Variants in MACROD2 observed in about 807,000 individuals in gnomAD.
The protein encoded by MACROD2 is mono-ADP ribosylhydrolase 2.
MACROD2 carries 36 observed loss-of-function variants against 70.4 expected under a neutral mutation model. The ratio of observed to expected loss-of-function variants is 0.51; its 90% CI spans 0.39 to 0.68. The LOEUF (loss-of-function observed/expected upper bound fraction) is 0.68, where lower values mean the gene tolerates loss of function less well. MACROD2 is among the 30% of genes least tolerant of loss of function. The pLI is 0.00. For synonymous variants in MACROD2, 172 were observed against 178.8 expected, an observed-to-expected ratio of 0.96 and a Z score of 0.30; for missense variants, 496 against 538.4, an observed-to-expected ratio of 0.92 and a Z score of 0.78.
At chr20:14,027,343 C>T (rs542970537) in intron 2 of MACROD2, among the ~76,000 whole-genome samples, 2 of 150,808 alleles carry the variant, frequency 1.3e-5, no homozygotes, top group African/African-American at 4.8e-5. Context: ...ACTGGTTATT[C>T]TAGTTAGCAA....
intron 8 of MACROD2, among the ~76,000 whole-genome samples, chr20:15,860,201 A>G (rs1463994860): frequency 2.0e-5 from 3 of 152,090 alleles, no homozygotes; most frequent in African/African-American, 7.2e-5. Flanking sequence ...CCCCCCATAC[A>G]CAAACACACA....
At chr20:14,285,925 T>G (rs2082340067) in intron 3 of MACROD2, among the ~76,000 whole-genome samples, 1 of 151,788 alleles carries the variant, frequency 6.6e-6, no homozygotes, top group African/African-American at 2.4e-5. Flanking sequence ...TTTGGGATAG[T>G]GACTTTGTTA....
intron 7 of MACROD2, among the ~76,000 whole-genome samples, chr20:15,464,914 C>A (rs573392834): frequency 4.6e-5 from 7 of 152,272 alleles, no homozygotes; most frequent in African/African-American, 1.7e-4. Context: ...GGTAAATGGG[C>A]ATAAACACTG....
At chr20:15,342,917 C>T (rs1403065535) in intron 6 of MACROD2, among the ~76,000 whole-genome samples, 5 of 152,148 alleles carry the variant, frequency 3.3e-5, no homozygotes, top group African/African-American at 2.4e-5. Context: ...CGATTTCCAC[C>T]GTATCACTTA....
At chr20:15,336,623 A>G (rs951503039) in intron 6 of MACROD2, among the ~76,000 whole-genome samples, 10 of 87,368 alleles carry the variant, frequency 1.1e-4, no homozygotes, top group Admixed American at 9.5e-4. Flanking sequence ...GAATTCAGTT[A>G]CATTTCAAAA....
chr20:15,520,306 G>A (rs2047635222), intron 8 of MACROD2, among the ~76,000 whole-genome samples: 1 of 152,180 alleles, frequency 6.6e-6, no homozygotes, highest in African/African-American at 2.4e-5. Context: ...ATTTTGTGAA[G>A]TGTCTAGATT....
At chr20:15,420,588 C>A (rs1318531243) in intron 6 of MACROD2, among the ~76,000 whole-genome samples, 2 of 130,092 alleles carry the variant, frequency 1.5e-5, no homozygotes, top group Non-Finnish European at 3.4e-5. Context: ...ACTATATTCA[C>A]CCATGCGATG....
chr20:15,117,133 G>A (rs2075997078), intron 5 of MACROD2, among the ~76,000 whole-genome samples: 1 of 152,060 alleles, frequency 6.6e-6, no homozygotes, highest in South Asian at 2.1e-4. Context: ...TGTTAAAGTT[G>A]GGAACAAGTT....
At chr20:14,276,633 T>C (rs1432414879) in intron 3 of MACROD2, among the ~76,000 whole-genome samples, 1 of 151,630 alleles carries the variant, frequency 6.6e-6, no homozygotes, top group Non-Finnish European at 1.5e-5. Context: ...ATAATAATAA[T>C]AAAATAAAAT....
intron 8 of MACROD2, among the ~76,000 whole-genome samples, chr20:15,782,496 C>CT (rs770569051): frequency 1.3e-5 from 2 of 151,888 alleles, no homozygotes; most frequent in Non-Finnish European, 2.9e-5. Flanking sequence ...TCCAAGGCCT[C>CT]TTTTCAGACA....
intron 8 of MACROD2, among the ~76,000 whole-genome samples, chr20:15,507,300 C>T (rs2047437830): frequency 6.6e-6 from 1 of 151,482 alleles, no homozygotes; most frequent in Admixed American, 6.6e-5. Flanking sequence ...CTCCCTCCCT[C>T]TTTCTTCCTT....
chr20:15,108,585 C>T (rs1294701607), intron 5 of MACROD2, among the ~76,000 whole-genome samples: 2 of 152,160 alleles, frequency 1.3e-5, no homozygotes, highest in Admixed American at 6.5e-5. Flanking sequence ...ATTTTTACTG[C>T]CACTAATCTA....
At chr20:14,796,894 C>G (rs950304203) in intron 5 of MACROD2, among the ~76,000 whole-genome samples, 1 of 152,034 alleles carries the variant, frequency 6.6e-6, no homozygotes, top group Admixed American at 6.6e-5. Flanking sequence ...AAATTTGTCT[C>G]AAGTTACATA....
intron 8 of MACROD2, among the ~76,000 whole-genome samples, chr20:15,616,152 G>A (rs1305839891): frequency 7.0e-6 from 1 of 142,010 alleles, no homozygotes; most frequent in Non-Finnish European, 1.5e-5. Flanking sequence ...ACCCGGGCCT[G>A]GAGTGCAGTG....
chr20:15,076,244 T>C (rs2075657368), intron 5 of MACROD2, among the ~76,000 whole-genome samples: 1 of 152,152 alleles, frequency 6.6e-6, no homozygotes, highest in East Asian at 1.9e-4. Flanking sequence ...TGCATATCTT[T>C]CCATTACAGA....
chr20:14,108,999 T>C (rs2054410216), intron 3 of MACROD2, among the ~76,000 whole-genome samples: 1 of 152,034 alleles, frequency 6.6e-6, no homozygotes, highest in African/African-American at 2.4e-5. Flanking sequence ...TTCTTAAGGA[T>C]AGATCATGTG....
At position 15,784,295 on chromosome 20, in the gene MACROD2, A is replaced by G. The variant is rs752513919; in HGVS notation, c.646-78450A>G. 2.4e-4 allele frequency among the ~76,000 whole-genome samples: 36 copies of G among 152,128 alleles called. 1 individual carries two copies. Among genetic ancestry groups the G allele is most frequent in the Non-Finnish European group, 1.8e-4 (12 of 67,998 alleles). On this transcript the variant is annotated intron_variant, in intron 8 of 17. Coordinates refer to ENST00000684519, the MANE Select transcript of MACROD2 (RefSeq NM_001351661.2). ...CAAGTGCCTGGTAGCTCATGCTACC[A>G]GGATCAAGAAAAATTAGCTCTGAGG...
intron 5 of MACROD2, among the ~76,000 whole-genome samples, chr20:14,953,450 G>T (rs143812549): frequency 0.012 from 1,812 of 152,122 alleles, 40 homozygotes; most frequent in African/African-American, 0.041. Context: ...GGGACTACAG[G>T]CGCCTGCCAC....
chr20:14,457,380 T>A (rs1240242162), intron 3 of MACROD2, among the ~76,000 whole-genome samples: 2 of 152,154 alleles, frequency 1.3e-5, no homozygotes, highest in African/African-American at 4.8e-5. Context: ...AGTTTACTAA[T>A]GTTTACCATC....
Sources: allele counts gnomAD v4.1 joint callset (sites outside exome capture counted in the v4.1 genomes callset), GRCh38; gene constraint gnomAD v4.1.1; transcripts MANE v1.5; gene names NCBI Gene and HGNC (gene_info 2026-07-23, HGNC 2026-07-21).